Variants in CACNG4 observed in about 807,000 individuals in gnomAD.
CACNG4 encodes the protein calcium voltage-gated channel auxiliary subunit gamma 4.
In CACNG4, 8 loss-of-function variants were observed where a neutral mutation model predicts 22.9. The observed-to-expected ratio is 0.35, with a 90% CI of 0.21 to 0.63. The LOEUF (loss-of-function observed/expected upper bound fraction) is 0.63, where lower values mean the gene tolerates loss of function less well. Ranked by LOEUF, CACNG4 falls within the 30% of genes least tolerant of loss-of-function variation. CACNG4 has a pLI of 0.72. For synonymous variants in CACNG4, 188 were observed against 191.9 expected, an observed-to-expected ratio of 0.98 and a Z score of 0.17; for missense variants, 357 against 455.4, an observed-to-expected ratio of 0.78 and a Z score of 1.97.
In CACNG4 at chr17:66,964,904, C is replaced by T; in HGVS notation, c.-8C>T. 2 of 1,508,160 alleles carry T rather than the reference C, an allele frequency of 1.3e-6. No individual in the cohort carries two copies. Among genetic ancestry groups the T allele is most frequent in the Non-Finnish European group, 1.8e-6 (2 of 1,130,726 alleles). 93.4% of individuals were successfully genotyped at this position (1,508,160 alleles called of 1,614,324 possible). A position where few individuals can be genotyped will look rare whatever the true frequency, so the allele number is the denominator to read the frequency against. ...GGCCGGCGGGCGGCGGACTATGAGG[C>T]GCCCACCATGGTGCGATGCGACCGC... On this transcript the variant is annotated 5_prime_UTR_variant, in exon 1 of 4. Transcript: ENST00000262138.
intron 1 of CACNG4, among the ~76,000 whole-genome samples, chr17:66,970,327 C>T (rs529182297): frequency 1.3e-5 from 2 of 152,052 alleles, no homozygotes; most frequent in African/African-American, 4.8e-5. Flanking sequence ...CTTGGGCTGA[C>T]GTCATAAAAT....
At chr17:66,970,362 A>C (rs1186266319) in intron 1 of CACNG4, among the ~76,000 whole-genome samples, 1 of 152,178 alleles carries the variant, frequency 6.6e-6, no homozygotes, top group Non-Finnish European at 1.5e-5. Context: ...GGTTTAGATC[A>C]CAGATGTGAA....
intron 3 of CACNG4, among the ~76,000 whole-genome samples, chr17:67,026,377 GGTGT>G (rs751370040): frequency 2.0e-5 from 3 of 151,182 alleles, no homozygotes; most frequent in African/African-American, 7.3e-5. Flanking sequence ...TGAGGAATGT[GGTGT>G]GTGTGTGTAT....
rs2035291750 is a variant in CACNG4 at position 66,984,036 on chromosome 17, A to C, written c.220+18905A>C. Among the ~76,000 whole-genome samples the C allele has an allele frequency of 6.6e-6, 1 of 152,176 alleles. No homozygotes were observed. The highest frequency in any genetic ancestry group is 2.4e-5 in the African/African-American group (1 of 41,436). On this transcript the variant is annotated intron_variant, in intron 1 of 3. Transcript: ENST00000262138. This position sits in a 1 kb window ranked among gnomAD's most constrained non-coding sequence, Gnocchi z 4.0. ...GTTATACGGGTGTAGACACATGTTC[A>C]TCTAACTGCACCCTTAGGATTACTC...
rs902993773 is a variant in CACNG4 at position 66,991,063 on chromosome 17, C to T, written c.220+25932C>T. Among the ~76,000 whole-genome samples, 6 of 152,116 alleles carry T rather than the reference C, an allele frequency of 3.9e-5. 1 individual carries two copies. Among genetic ancestry groups the T allele is most frequent in the South Asian group, 4.1e-4 (2 of 4,828 alleles). On this transcript the variant is annotated intron_variant, in intron 1 of 3. Coordinates refer to ENST00000262138, the MANE Select transcript of CACNG4 (RefSeq NM_014405.4). ...GGATTAGATGAGTCAAACCGTAAAG[C>T]GCTGGCAGTTGCTAGGAGCTCGGTG...
intron 1 of CACNG4, among the ~76,000 whole-genome samples, chr17:66,987,571 G>C (rs1024329388): frequency 2.2e-4 from 34 of 152,180 alleles, no homozygotes; most frequent in African/African-American, 6.5e-4. Context: ...ATCAGGCACT[G>C]AGATGTGGGG....
intron 1 of CACNG4, among the ~76,000 whole-genome samples, chr17:66,971,795 CA>C (rs1158786595): frequency 9.9e-5 from 15 of 152,130 alleles, no homozygotes; most frequent in Non-Finnish European, 1.9e-4. Context: ...AGGAAGAGGT[CA>C]GGGGTTGGGC....
At chr17:66,992,079 T>TG (rs2143309372) in intron 1 of CACNG4, among the ~76,000 whole-genome samples, 1 of 151,852 alleles carries the variant, frequency 6.6e-6, no homozygotes, top group South Asian at 2.1e-4. Context: ...TCTGGACTCT[T>TG]GGAGCACGGG....
At chr17:67,013,077 C>T (rs1364896584) in intron 1 of CACNG4, among the ~76,000 whole-genome samples, 1 of 152,178 alleles carries the variant, frequency 6.6e-6, no homozygotes, top group African/African-American at 2.4e-5. Context: ...GTGACCAGCT[C>T]ACCCCGTTTG....
chr17:66,991,668 G>A (rs746653871), intron 1 of CACNG4, among the ~76,000 whole-genome samples: 2 of 152,176 alleles, frequency 1.3e-5, no homozygotes, highest in Non-Finnish European at 2.9e-5. Flanking sequence ...CATCCAGACA[G>A]GATTCAGCCC....
At chr17:66,976,092 G>C (rs955162389) in intron 1 of CACNG4, among the ~76,000 whole-genome samples, 5 of 152,126 alleles carry the variant, frequency 3.3e-5, no homozygotes, top group Non-Finnish European at 5.9e-5. Context: ...GACACCTGCC[G>C]AGAGCCCTGC....
intron 1 of CACNG4, among the ~76,000 whole-genome samples, chr17:66,994,886 G>T (rs902545282): frequency 5.3e-5 from 8 of 152,152 alleles, no homozygotes; most frequent in Non-Finnish European, 1.2e-4. Flanking sequence ...GGGAATGGGG[G>T]CATTGGTAGG....
intron 3 of CACNG4, among the ~76,000 whole-genome samples, chr17:67,028,623 G>A (rs2035583256): frequency 6.6e-6 from 1 of 152,164 alleles, no homozygotes; most frequent in Non-Finnish European, 1.5e-5. Flanking sequence ...CGCCCTGTGT[G>A]CTGGGTGCTG....
Position 67,031,105 on chromosome 17 carries a change from G to A in CACNG4, c.*101G>A. ...TCAAGACGACGAACAATGAACTAAA[G>A]CCAAATGCAGCCCTCCCTGGCCTCC... On this transcript the variant is annotated 3_prime_UTR_variant, in exon 4 of 4. Transcript: ENST00000262138. The surrounding 1 kb of genome is among the most constrained non-coding windows in gnomAD (Gnocchi z 4.0). 1 of 1,291,690 alleles carries A rather than the reference G, an allele frequency of 7.7e-7. No individual in the cohort carries two copies. The highest frequency in any genetic ancestry group is 1.4e-5 in the South Asian group (1 of 72,686). 80.0% of individuals were successfully genotyped at this position (1,291,690 alleles called of 1,614,324 possible).
At chr17:67,003,073 T>C (rs1337772147) in intron 1 of CACNG4, among the ~76,000 whole-genome samples, 1 of 152,100 alleles carries the variant, frequency 6.6e-6, no homozygotes, top group Admixed American at 6.6e-5. Context: ...GCCTGCTCAC[T>C]TCTGACAATA....
intron 2 of CACNG4, among the ~76,000 whole-genome samples, chr17:67,018,741 C>T (rs1189307687): frequency 6.6e-6 from 1 of 152,170 alleles, no homozygotes; most frequent in Non-Finnish European, 1.5e-5. Context: ...TACAGTCACA[C>T]ACCAAGACAG....
chr17:66,985,068 C>T (rs1421475683), intron 1 of CACNG4, among the ~76,000 whole-genome samples: 2 of 152,146 alleles, frequency 1.3e-5, no homozygotes, highest in African/African-American at 2.4e-5. Context: ...TCTCTGAGAC[C>T]GTCCTCTCTC....
chr17:67,030,367 A>T lies in CACNG4; in HGVS notation c.446-99A>T. The T allele has an allele frequency of 2.2e-6, 2 of 926,916 alleles. No homozygotes were observed. The highest frequency in any genetic ancestry group is 3.4e-6 in the Non-Finnish European group (2 of 594,256). The allele number at this position is 926,916 out of a possible 1,614,324, so 57.4% of individuals were successfully genotyped here. On this transcript the variant is annotated intron_variant, in intron 3 of 3. Transcript: ENST00000262138. The surrounding 1 kb of genome is among the most constrained non-coding windows in gnomAD (Gnocchi z 6.4). ...TAAAGAAATACTCATCAGAGAGGGGAGTGTCCACCTGTTCCCTACACTGCC... is the reference window on the plus strand; with the variant it reads ...TAAAGAAATACTCATCAGAGAGGGGTGTGTCCACCTGTTCCCTACACTGCC...
intron 1 of CACNG4, among the ~76,000 whole-genome samples, chr17:66,978,082 T>G (rs1240682792): frequency 6.6e-6 from 1 of 152,174 alleles, no homozygotes; most frequent in Non-Finnish European, 1.5e-5. Flanking sequence ...GCAACTCTTT[T>G]GCTTGGCATC....
Sources: gnomAD v4.1 joint callset for allele counts (sites outside exome capture counted in the v4.1 genomes callset) on GRCh38, gnomAD v4.1.1 for gene constraint, Gnocchi (gnomAD v3.1) non-coding constraint, MANE v1.5 for transcripts, NCBI Gene and HGNC (gene_info 2026-07-23, HGNC 2026-07-21) for gene names.